Variants in PRADC1 observed in about 807,000 individuals in gnomAD.
PRADC1 encodes the protein protease associated domain containing 1.
PRADC1 carries 23 observed loss-of-function variants against 22.9 expected under a neutral mutation model. The observed-to-expected ratio is 1.00, with a 90% CI of 0.72 to 1.42. The LOEUF (loss-of-function observed/expected upper bound fraction) is 1.42. Ranked by LOEUF, PRADC1 falls within the 40% of genes most tolerant of loss-of-function variation. PRADC1 has a pLI of 0.00. For missense variants in PRADC1, 207 were observed against 258.3 expected (o/e 0.80, Z 1.36); for synonymous variants, 71 against 100.3 (o/e 0.71, Z 1.75).
At chr2:73,230,073 G>T (rs373904483) in intron 2 of PRADC1, 40 bp downstream of exon 2, 14 of 1,355,628 alleles carry the variant, frequency 1.0e-5, no homozygotes, top group Admixed American at 3.4e-5. Context: ...GGGGAAGGGG[G>T]AGGTTGAGGA....
In PRADC1 at chr2:73,228,336, T is replaced by C; in HGVS notation, c.*118A>G. On this transcript the variant is annotated 3_prime_UTR_variant, in exon 5 of 5. Coordinates refer to ENST00000258083, the MANE Select transcript of PRADC1 (RefSeq NM_032319.3). The surrounding 1 kb of genome is among the most constrained non-coding windows in gnomAD (Gnocchi z 4.0). ...CAGCCTAGCAACGCCCAAACCCTTT[T>C]CCTCTACCTGGCTCCACTTGTCCCC... is the stretch of plus-strand genomic sequence containing the variant. The C allele has an allele frequency of 7.5e-7, 1 of 1,339,296 alleles. No homozygotes were observed. The highest frequency in any genetic ancestry group is 1.0e-6 in the Non-Finnish European group (1 of 968,010). The allele number at this position is 1,339,296 out of a possible 1,614,324, so 83.0% of individuals were successfully genotyped here.
chr2:73,228,497 A>T lies in PRADC1; in HGVS notation c.524T>A (p.Ile175Asn), dbSNP rs760064347. 6.2e-7 allele frequency: 1 copy of T among 1,614,154 alleles called. No individual in the cohort carries two copies. Among genetic ancestry groups the T allele is most frequent in the Admixed American group, 1.7e-5 (1 of 60,024 alleles). ...CGGTTGCAGCAGCTCAAAGGTGGGG[A>T]TGCTGGTGACATTGACTGGGATGGA... is the stretch of plus-strand genomic sequence containing the variant. ...IISIPVNVTSIPTFELLQPPW... is the reference protein window; with the variant it reads ...IISIPVNVTSNPTFELLQPPW... The change falls in exon 5 of 5, where the codon ATC becomes AAC. Residue 175 changes from isoleucine to asparagine, a missense_variant. Ile to Asn is a moderately radical substitution (Grantham distance 149). Transcript: ENST00000258083. The surrounding 1 kb of genome is among the most constrained non-coding windows in gnomAD (Gnocchi z 4.0).
In PRADC1 at chr2:73,228,267, T is replaced by C. The variant is rs886328715; in HGVS notation, c.*187A>G. 4.5e-6 allele frequency: 3 copies of C among 670,320 alleles called. No homozygotes were observed. The African/African-American group carries it at 5.5e-5, about 12-fold the overall frequency. 41.5% of individuals were successfully genotyped at this position (670,320 alleles called of 1,614,324 possible). A position where few individuals can be genotyped will look rare whatever the true frequency, so the allele number is the denominator to read the frequency against. On this transcript the variant is annotated 3_prime_UTR_variant, in exon 5 of 5. Transcript: ENST00000258083. The surrounding 1 kb of genome is among the most constrained non-coding windows in gnomAD (Gnocchi z 4.0). ...CTCTTCTTGTAGCATGAGACACCCTTGGGGGCCCTGGGGAAGGGAAGGCCA... is the reference window on the plus strand; with the variant it reads ...CTCTTCTTGTAGCATGAGACACCCTCGGGGGCCCTGGGGAAGGGAAGGCCA...
intron 1 of PRADC1, among the ~76,000 whole-genome samples, chr2:73,230,539 G>A (rs1159115152): frequency 1.3e-5 from 2 of 152,228 alleles, no homozygotes; most frequent in African/African-American, 2.4e-5. Flanking sequence ...AGTGGCCTGC[G>A]TACAAAGCAA....
rs768274364 is a variant in PRADC1 at position 73,233,087 on chromosome 2, C to T, written c.67+7G>A. On this transcript the variant is annotated splice_region_variant and intron_variant, in intron 1 of 4. Transcript: ENST00000258083. ...CCTGCAACGCAGTCCCACCCGTTGC[C>T]GCTCACCGTGGGCCGCGACGCACGC... 151 of 1,540,384 alleles carry T rather than the reference C, an allele frequency of 9.8e-5. No homozygotes were observed. Among genetic ancestry groups the T allele is most frequent in the Admixed American group, 3.6e-4 (19 of 52,902 alleles).
chr2:73,230,927 C>G (rs1376133550), intron 1 of PRADC1, among the ~76,000 whole-genome samples: 1 of 152,180 alleles, frequency 6.6e-6, no homozygotes, highest in East Asian at 1.9e-4. Context: ...CTGGAAGGCC[C>G]CCTACTCCCA....
chr2:73,232,091 T>C (rs1447010188), intron 1 of PRADC1, among the ~76,000 whole-genome samples: 1 of 152,198 alleles, frequency 6.6e-6, no homozygotes, highest in East Asian at 1.9e-4. Context: ...ATCCCAGCAC[T>C]TTGGGAGGCC....
chr2:73,231,354 C>A (rs1163541089), intron 1 of PRADC1, among the ~76,000 whole-genome samples: 1 of 152,086 alleles, frequency 6.6e-6, no homozygotes, highest in South Asian at 2.1e-4. Flanking sequence ...CTCCTGACCT[C>A]GTGATCCACC....
chr2:73,231,478 G>A (rs1350672847), intron 1 of PRADC1, among the ~76,000 whole-genome samples: 1 of 151,048 alleles, frequency 6.6e-6, no homozygotes, highest in African/African-American at 2.4e-5. Flanking sequence ...GTGCAGTGGC[G>A]CCATCTCGCC....
Position 73,228,735 on chromosome 2 carries a change from C to T in PRADC1, c.446+60G>A. On this transcript the variant is annotated intron_variant, in intron 4 of 4. Transcript: ENST00000258083. This position sits in a 1 kb window ranked among gnomAD's most constrained non-coding sequence, Gnocchi z 4.0. The stretch of plus-strand genomic sequence containing the variant: ...CTGCAAGAAGGGACTGGTGATTACC[C>T]CTGACCCAGTCATGGCGCCCAGCCT... 6.3e-7 allele frequency: 1 copy of T among 1,589,176 alleles called. No individual in the cohort carries two copies. The highest frequency in any genetic ancestry group is 1.7e-5 in the Admixed American group (1 of 58,266).
chr2:73,232,948 C>T (rs1686690965), intron 1 of PRADC1, 146 bp downstream of exon 1: 1 of 827,308 alleles, frequency 1.2e-6, no homozygotes, highest in Non-Finnish European at 1.8e-6. Context: ...GGACCACCAC[C>T]CACTTATTCC....
chr2:73,229,641 A>G, intron 2 of PRADC1, 71 bp from the exon 3 acceptor site: 2 of 1,148,580 alleles, frequency 1.7e-6, no homozygotes, highest in Middle Eastern at 2.0e-4. Flanking sequence ...TGGGCTGACA[A>G]TCCCATCTTA....
intron 1 of PRADC1, 90 bp from the exon 2 acceptor site, chr2:73,230,303 C>G: frequency 1.0e-6 from 1 of 963,700 alleles, no homozygotes; most frequent in Non-Finnish European, 1.6e-6. Flanking sequence ...GCTGGGCTGG[C>G]TATAGTCTGG....
At position 73,229,437 on chromosome 2, in the gene PRADC1, G is replaced by A. The variant is rs199531729; in HGVS notation, c.278+24C>T. On this transcript the variant is annotated intron_variant, in intron 3 of 4. Transcript: ENST00000258083. ...TCTGCCGTATGCCTGCCCACTCCTC[G>A]TGTCCTGCCTGCCCACTCCTTACCC... 1.3e-4 allele frequency: 196 copies of A among 1,508,164 alleles called. 1 individual carries two copies. The Admixed American group carries it at 2.0e-3, about 15-fold the overall frequency. 93.4% of individuals were successfully genotyped at this position (1,508,164 alleles called of 1,614,324 possible). A position where few individuals can be genotyped will look rare whatever the true frequency, so the allele number is the denominator to read the frequency against.
Position 73,233,162 on chromosome 2 carries a change from T to C in PRADC1, c.-2A>G, listed in dbSNP as rs996891391. 18 of 1,362,520 alleles carry C rather than the reference T, an allele frequency of 1.3e-5. No homozygotes were observed. Among genetic ancestry groups the C allele is most frequent in the Non-Finnish European group, 1.7e-5 (18 of 1,079,384 alleles). 84.4% of individuals were successfully genotyped at this position (1,362,520 alleles called of 1,614,324 possible). Reference sequence around the variant, plus strand: ...CCAGCCCGCGGCGCCGGGGACCATCTCCAGGGCCGGGCCCGGCCCGGCGCC... The same window carrying C: ...CCAGCCCGCGGCGCCGGGGACCATCCCCAGGGCCGGGCCCGGCCCGGCGCC... On this transcript the variant is annotated 5_prime_UTR_variant, in exon 1 of 5. Transcript: ENST00000258083.
chr2:73,228,721 G>C lies in PRADC1; in HGVS notation c.446+74C>G, dbSNP rs983538077. ...CCCCAAGTTGAGGCCTGCAAGAAGG[G>C]ACTGGTGATTACCCCTGACCCAGTC... On this transcript the variant is annotated intron_variant, in intron 4 of 4. Transcript: ENST00000258083. The surrounding 1 kb of genome is among the most constrained non-coding windows in gnomAD (Gnocchi z 4.0). The C allele has an allele frequency of 1.1e-5, 18 of 1,584,750 alleles. No individual in the cohort carries two copies. The African/African-American group carries it at 2.4e-4, about 21-fold the overall frequency.
rs1470558318 is a variant in PRADC1 at position 73,233,095 on chromosome 2, G to A, written c.66C>T (p.His22=). Residue 22 remains histidine (H), a splice_region_variant and synonymous_variant, in exon 1 of 5, where the codon CAC becomes CAT. Coordinates refer to ENST00000258083, the MANE Select transcript of PRADC1 (RefSeq NM_032319.3). ...VLWLPACVAA[H]GFRIHDYLYF... ...GCAGTCCCACCCGTTGCCGCTCACC[G>A]TGGGCCGCGACGCACGCGGGGAGCC... 1 of 1,541,984 alleles carries A rather than the reference G, an allele frequency of 6.5e-7. No homozygotes were observed. Among genetic ancestry groups the A allele is most frequent in the Non-Finnish European group, 8.7e-7 (1 of 1,153,022 alleles).
Position 73,228,712 on chromosome 2 carries a change from G to T in PRADC1, c.446+83C>A. ...ACTGAAGCACCCCAAGTTGAGGCCT[G>T]CAAGAAGGGACTGGTGATTACCCCT... On this transcript the variant is annotated intron_variant, in intron 4 of 4. Coordinates refer to ENST00000258083, the MANE Select transcript of PRADC1 (RefSeq NM_032319.3). The surrounding 1 kb of genome is among the most constrained non-coding windows in gnomAD (Gnocchi z 4.0). The T allele has an allele frequency of 6.3e-7, 1 of 1,582,584 alleles. No individual in the cohort carries two copies. The highest frequency in any genetic ancestry group is 1.3e-5 in the African/African-American group (1 of 74,356).
Position 73,228,191 on chromosome 2 carries a change from A to G in PRADC1, c.*263T>C, listed in dbSNP as rs1686552218. Reference sequence around the variant, plus strand: ...GATGGCTCTCAGGCCACCTGCCTTCAGCTCCTTTTGTTTCGGGTTCTAGCC... The same window carrying G: ...GATGGCTCTCAGGCCACCTGCCTTCGGCTCCTTTTGTTTCGGGTTCTAGCC... On this transcript the variant is annotated 3_prime_UTR_variant, in exon 5 of 5. Coordinates refer to ENST00000258083, the MANE Select transcript of PRADC1 (RefSeq NM_032319.3). The surrounding 1 kb of genome is among the most constrained non-coding windows in gnomAD (Gnocchi z 4.0). 2 of 466,598 alleles carry G rather than the reference A, an allele frequency of 4.3e-6. No individual in the cohort carries two copies. 28.9% of individuals were successfully genotyped at this position (466,598 alleles called of 1,614,324 possible).
Sources: gnomAD v4.1 joint callset for allele counts (sites outside exome capture counted in the v4.1 genomes callset) on GRCh38, gnomAD v4.1.1 for gene constraint, Gnocchi (gnomAD v3.1) non-coding constraint, MANE v1.5 for transcripts, NCBI Gene and HGNC (gene_info 2026-07-23, HGNC 2026-07-21) for gene names.